HDHD2: variants seen among roughly 807,000 people sequenced by gnomAD.
HDHD2 encodes haloacid dehalogenase-like hydrolase domain-containing protein 2.
HDHD2 carries 26 observed loss-of-function variants against 24.8 expected under a neutral mutation model. That is an observed-to-expected ratio of 1.05 (90% CI 0.77 to 1.45). HDHD2 has a LOEUF of 1.45. Among genes scored for constraint, HDHD2 ranks in the 40% most tolerant of loss-of-function variants. The probability of loss-of-function intolerance (pLI) is 0.00; values close to 1 mark genes in which losing one functional copy is unlikely to be tolerated. For synonymous variants in HDHD2, 128 were observed against 114.9 expected (o/e 1.11, Z -0.73); for missense variants, 299 against 313.4 (o/e 0.95, Z 0.35).
At chr18:47,114,591 C>CA (rs1387200892) in intron 5 of HDHD2, among the ~76,000 whole-genome samples, 5 of 152,200 alleles carry the variant, frequency 3.3e-5, no homozygotes, top group Non-Finnish European at 5.9e-5. Flanking sequence ...CTCACGGCCA[C>CA]AGGTGACCAG....
At chr18:47,144,391 C>A (rs2063848072) in intron 1 of HDHD2, among the ~76,000 whole-genome samples, 1 of 152,072 alleles carries the variant, frequency 6.6e-6, no homozygotes, top group South Asian at 2.1e-4. Context: ...CAGTTGACTA[C>A]AAGAAAATCA....
At chr18:47,130,525 G>C (rs1014552315) in intron 3 of HDHD2, among the ~76,000 whole-genome samples, 197 bp from the exon 4 acceptor site, 1 of 152,144 alleles carries the variant, frequency 6.6e-6, no homozygotes, top group Non-Finnish European at 1.5e-5. Flanking sequence ...TGGGGGTTGG[G>C]AGGGAAAAAG....
chr18:47,123,665 A>T (rs1447263455), intron 4 of HDHD2, among the ~76,000 whole-genome samples: 2 of 152,206 alleles, frequency 1.3e-5, no homozygotes. Flanking sequence ...AATGTCTAAG[A>T]CCCACATTCT....
At chr18:47,132,875 GAAT>G (rs2063726328) in intron 3 of HDHD2, among the ~76,000 whole-genome samples, 1 of 152,138 alleles carries the variant, frequency 6.6e-6, no homozygotes, top group East Asian at 1.9e-4. Flanking sequence ...ACACTATCCA[GAAT>G]AACATCTACT....
intron 1 of HDHD2, among the ~76,000 whole-genome samples, chr18:47,147,405 G>C (rs2063882627): frequency 6.6e-6 from 1 of 152,150 alleles, no homozygotes; most frequent in Admixed American, 6.5e-5. Context: ...ACAGAAAACA[G>C]CTTGTTCATC....
At position 47,134,519 on chromosome 18, in the gene HDHD2, T is replaced by A; in HGVS notation, c.287A>T (p.Asp96Val). ...ACCTTTGAAATCAGGTAGTGCCCGA[T>A]CATCAACTAGCAGCATGGGTCTGAC... ...KQVRPMLLVDDRALPDFKGIQ... is the reference protein window; with the variant it reads ...KQVRPMLLVDVRALPDFKGIQ... The change falls in exon 3 of 7, where the codon GAT (aspartate) becomes GTT (valine). Residue 96 changes from aspartate (D) to valine (V), a missense_variant. Physicochemically the swap from Asp to Val is radical, Grantham distance 152. Transcript: ENST00000300605. The A allele has an allele frequency of 6.2e-7, 1 of 1,614,118 alleles. No individual in the cohort carries two copies. The highest frequency in any genetic ancestry group is 8.5e-7 in the Non-Finnish European group (1 of 1,179,952).
At chr18:47,125,046 T>C (rs912510624) in intron 4 of HDHD2, among the ~76,000 whole-genome samples, 5 of 151,998 alleles carry the variant, frequency 3.3e-5, no homozygotes, top group Non-Finnish European at 7.4e-5. Context: ...TCTGTAGTCC[T>C]AGCTACTTGG....
At chr18:47,117,821 T>C (rs1410949564) in intron 4 of HDHD2, among the ~76,000 whole-genome samples, 2 of 151,836 alleles carry the variant, frequency 1.3e-5, no homozygotes, top group Non-Finnish European at 2.9e-5. Context: ...ATATATGTAA[T>C]TATTATAAGA....
At chr18:47,131,108 C>G (rs2063709567) in intron 3 of HDHD2, among the ~76,000 whole-genome samples, 1 of 152,152 alleles carries the variant, frequency 6.6e-6, no homozygotes, top group Non-Finnish European at 1.5e-5. Flanking sequence ...TCCAGAATAG[C>G]TGGGATTCCA....
intron 6 of HDHD2, 108 bp downstream of exon 6, chr18:47,112,869 G>C: frequency 1.2e-6 from 1 of 851,894 alleles, no homozygotes. Flanking sequence ...GTGGCAGGAA[G>C]AGAATAAAAG....
chr18:47,143,447 T>C (rs1235686311), intron 1 of HDHD2, among the ~76,000 whole-genome samples: 1 of 152,166 alleles, frequency 6.6e-6, no homozygotes, highest in South Asian at 2.1e-4. Context: ...CACATATATA[T>C]ATATTTGTAT....
At chr18:47,124,380 T>C (rs1330900526) in intron 4 of HDHD2, among the ~76,000 whole-genome samples, 5 of 152,134 alleles carry the variant, frequency 3.3e-5, no homozygotes, top group African/African-American at 9.7e-5. Context: ...GTGGTACATA[T>C]ATTCAACCAA....
chr18:47,138,946 A>C (rs940525674), intron 1 of HDHD2, among the ~76,000 whole-genome samples: 18 of 152,224 alleles, frequency 1.2e-4, no homozygotes, highest in Non-Finnish European at 2.4e-4. Flanking sequence ...CGCATACTTC[A>C]ATCATACCTA....
chr18:47,134,782 T>C (rs1279022218), intron 2 of HDHD2, 78 bp from the exon 3 acceptor site: 2 of 1,163,940 alleles, frequency 1.7e-6, no homozygotes, highest in East Asian at 2.3e-5. Context: ...TTGTTAAAAC[T>C]GTGCCAAATG....
At chr18:47,145,646 CAT>C (rs1568063921) in intron 1 of HDHD2, among the ~76,000 whole-genome samples, 1 of 152,174 alleles carries the variant, frequency 6.6e-6, no homozygotes, top group African/African-American at 2.4e-5. Flanking sequence ...TAAACAACCA[CAT>C]GTTTAAGGCA....
intron 1 of HDHD2, among the ~76,000 whole-genome samples, chr18:47,149,478 G>A (rs2063907630): frequency 6.6e-6 from 1 of 152,078 alleles, no homozygotes. Context: ...GCTGACCTCT[G>A]GATAAAGTCT....
At chr18:47,111,791 T>C in intron 6 of HDHD2, 1 of 985,356 alleles carries the variant, frequency 1.0e-6, no homozygotes, top group Non-Finnish European at 1.2e-6. Flanking sequence ...TTGTTTCTAT[T>C]TGAAATTCAA....
At chr18:47,124,713 A>AAT (rs2063640708) in intron 4 of HDHD2, among the ~76,000 whole-genome samples, 1 of 150,944 alleles carries the variant, frequency 6.6e-6, no homozygotes, top group Non-Finnish European at 1.5e-5. Flanking sequence ...ACTCAAAAAA[A>AAT]AAAAAAAAAA....
chr18:47,126,475 A>G (rs1412659085), intron 4 of HDHD2, among the ~76,000 whole-genome samples: 1 of 152,152 alleles, frequency 6.6e-6, no homozygotes, highest in African/African-American at 2.4e-5. Flanking sequence ...TAAGAAGCTC[A>G]TCCTGAAAAA....
Sources: allele counts gnomAD v4.1 joint callset (sites outside exome capture counted in the v4.1 genomes callset), GRCh38; gene constraint gnomAD v4.1.1; transcripts MANE v1.5; gene names NCBI Gene and HGNC (gene_info 2026-07-23, HGNC 2026-07-21).